CACNA1B: variants seen among roughly 807,000 people sequenced by gnomAD.
CACNA1B encodes voltage-dependent N-type calcium channel subunit alpha-1B.
A neutral mutation model predicts 247.2 loss-of-function variants in CACNA1B; 70 were observed. The ratio of observed to expected loss-of-function variants is 0.28; its 90% CI spans 0.23 to 0.35. The LOEUF (loss-of-function observed/expected upper bound fraction) is 0.35. Among genes scored for constraint, CACNA1B ranks in the 10% least tolerant of loss-of-function variants. CACNA1B has a pLI of 1.00. For missense variants in CACNA1B, 2,367 were observed against 3,197.4 expected (o/e 0.74, Z 6.26); for synonymous variants, 1,231 against 1,294.4 (o/e 0.95, Z 1.05).
chr9:138,066,698 A>G (rs1959930426), intron 31 of CACNA1B, among the ~76,000 whole-genome samples: 1 of 152,216 alleles, frequency 6.6e-6, no homozygotes, highest in East Asian at 1.9e-4. Flanking sequence ...CAGAAAAACA[A>G]TGAAAATACT....
intron 36 of CACNA1B, among the ~76,000 whole-genome samples, chr9:138,096,191 G>A (rs1020860509): frequency 1.3e-5 from 2 of 152,134 alleles, no homozygotes; most frequent in Non-Finnish European, 2.9e-5. Context: ...TTCATGGAAG[G>A]CCAGTCTGAG....
At chr9:137,922,036 AC>A (rs760219721) in intron 6 of CACNA1B, among the ~76,000 whole-genome samples, 3 of 149,576 alleles carry the variant, frequency 2.0e-5, no homozygotes, top group Non-Finnish European at 3.0e-5. Context: ...CATTCGGAGA[AC>A]ATGATCAGCA....
intron 36 of CACNA1B, among the ~76,000 whole-genome samples, chr9:138,085,919 A>G (rs955013599): frequency 6.6e-6 from 1 of 151,374 alleles, no homozygotes; most frequent in Non-Finnish European, 1.5e-5. Flanking sequence ...ATCTGGAAGC[A>G]AAGACATGAT....
intron 15 of CACNA1B, among the ~76,000 whole-genome samples, chr9:138,005,088 A>T (rs1958630495): frequency 1.3e-5 from 2 of 152,330 alleles, no homozygotes; most frequent in South Asian, 4.1e-4. Context: ...CCTTAAGAGG[A>T]GCCATACCAC....
At chr9:138,004,644 G>A (rs577764913) in intron 15 of CACNA1B, among the ~76,000 whole-genome samples, 2 of 151,918 alleles carry the variant, frequency 1.3e-5, no homozygotes, top group East Asian at 3.9e-4. Context: ...GTACCTTCCT[G>A]TGCATGTTTA....
intron 6 of CACNA1B, among the ~76,000 whole-genome samples, chr9:137,929,745 T>C (rs1957588620): frequency 1.3e-5 from 2 of 152,056 alleles, no homozygotes; most frequent in African/African-American, 4.8e-5. Context: ...CTCAATTTCC[T>C]GGGCTCAAGT....
chr9:137,916,225 G>T (rs575182039), intron 5 of CACNA1B, among the ~76,000 whole-genome samples: 1 of 152,060 alleles, frequency 6.6e-6, no homozygotes, highest in Non-Finnish European at 1.5e-5. Flanking sequence ...TACAGACAGG[G>T]TTTCACCATG....
intron 3 of CACNA1B, among the ~76,000 whole-genome samples, chr9:137,903,272 G>A (rs532016780): frequency 4.6e-5 from 7 of 152,264 alleles, no homozygotes; most frequent in African/African-American, 1.4e-4. Flanking sequence ...TGTAGTCCCA[G>A]CTACTCGGGA....
At chr9:138,044,316 ATCCACTCTTCAGTCCAGGGCT>A (rs1455945731) in intron 21 of CACNA1B, among the ~76,000 whole-genome samples, 2 of 152,184 alleles carry the variant, frequency 1.3e-5, no homozygotes, top group Non-Finnish European at 2.9e-5. Context: ...TGCATTCATC[ATCCACTCTTCAGTCCAGGGCT>A]TCCATTAGTC....
intron 6 of CACNA1B, among the ~76,000 whole-genome samples, chr9:137,951,409 C>T (rs916486307): frequency 8.5e-5 from 13 of 152,142 alleles, no homozygotes; most frequent in African/African-American, 3.1e-4. Flanking sequence ...AGGGCAGTGC[C>T]CCAACTGTCC....
intron 6 of CACNA1B, among the ~76,000 whole-genome samples, chr9:137,924,131 T>C (rs557959475): frequency 1.2e-4 from 19 of 152,346 alleles, no homozygotes; most frequent in African/African-American, 3.8e-4. Context: ...AGTTTATCAA[T>C]TTATCCTTTT....
At chr9:137,889,918 C>T (rs1957073473) in intron 3 of CACNA1B, 1 of 147,262 alleles carries the variant, frequency 6.8e-6, no homozygotes, top group Non-Finnish European at 1.5e-5. Flanking sequence ...TTAACACTCT[C>T]CTGGACTGGG....
In CACNA1B at chr9:137,973,437, C is replaced by T. The variant is rs779973859; in HGVS notation, c.1543+1845C>T. Among the ~76,000 whole-genome samples, 2 of 152,178 alleles carry T rather than the reference C, an allele frequency of 1.3e-5. No individual in the cohort carries two copies. Among genetic ancestry groups the T allele is most frequent in the Non-Finnish European group, 2.9e-5 (2 of 68,036 alleles). On this transcript the variant is annotated intron_variant, in intron 11 of 46. Coordinates refer to ENST00000371372, the MANE Select transcript of CACNA1B (RefSeq NM_000718.4). This position sits in a 1 kb window ranked among gnomAD's most constrained non-coding sequence, Gnocchi z 4.1. The stretch of plus-strand genomic sequence containing the variant: ...TCTGTGCACCTCGGCTGTCCATTCT[C>T]CAAGGACCTGCCCTCAATGCATTGC...
At chr9:137,902,743 C>A (rs1331121846) in intron 3 of CACNA1B, among the ~76,000 whole-genome samples, 2 of 152,188 alleles carry the variant, frequency 1.3e-5, no homozygotes, top group African/African-American at 4.8e-5. Context: ...ATTGATATCA[C>A]CCTCCAGGGC....
chr9:137,940,786 C>T (rs1037857996), intron 6 of CACNA1B, among the ~76,000 whole-genome samples: 2 of 152,158 alleles, frequency 1.3e-5, no homozygotes, highest in African/African-American at 4.8e-5. Context: ...AAATGTGATA[C>T]ACCACATAAA....
intron 20 of CACNA1B, among the ~76,000 whole-genome samples, chr9:138,034,615 G>T (rs998263305): frequency 6.6e-6 from 1 of 151,994 alleles, no homozygotes; most frequent in Non-Finnish European, 1.5e-5. Context: ...TTTCTGGGTT[G>T]TTGGGTTCAC....
chr9:137,901,201 G>A (rs551677013), intron 3 of CACNA1B, among the ~76,000 whole-genome samples: 1 of 149,734 alleles, frequency 6.7e-6, no homozygotes, highest in East Asian at 2.0e-4. Flanking sequence ...TGTCTGTACT[G>A]TGTGTCTCTG....
chr9:137,981,429 C>G (rs990310388), intron 12 of CACNA1B, among the ~76,000 whole-genome samples: 1 of 152,202 alleles, frequency 6.6e-6, no homozygotes, highest in African/African-American at 2.4e-5. Context: ...ACCTTCAGCA[C>G]TTGGCTCAGA....
chr9:138,099,688 ATGTGTGTGCC>A (rs1334648059), intron 37 of CACNA1B, among the ~76,000 whole-genome samples: 3 of 128,400 alleles, frequency 2.3e-5, no homozygotes, highest in Non-Finnish European at 4.9e-5. Flanking sequence ...GTGGGTGTGC[ATGTGTGTGCC>A]TGTGGGTGTG....
Sources: allele counts gnomAD v4.1 joint callset (sites outside exome capture counted in the v4.1 genomes callset), GRCh38; gene constraint gnomAD v4.1.1; non-coding constraint Gnocchi (gnomAD v3.1); transcripts MANE v1.5; gene names NCBI Gene and HGNC (gene_info 2026-07-23, HGNC 2026-07-21).